Variants in FGGY observed in about 807,000 individuals in gnomAD.
The protein encoded by FGGY is FGGY carbohydrate kinase domain-containing protein.
FGGY carries 72 observed loss-of-function variants against 71.3 expected under a neutral mutation model. That is an observed-to-expected ratio of 1.01 (90% CI 0.84 to 1.23). The LOEUF is 1.23. Ranked by LOEUF, FGGY falls within the 50% of genes most tolerant of loss-of-function variation. FGGY has a pLI of 0.00. For synonymous variants in FGGY, 251 were observed against 250.3 expected, an observed-to-expected ratio of 1.00 and a Z score of -0.02; for missense variants, 668 against 682.3, an observed-to-expected ratio of 0.98 and a Z score of 0.23.
chr1:59,563,282 G>T (rs1032180997), intron 8 of FGGY, among the ~76,000 whole-genome samples: 3 of 152,174 alleles, frequency 2.0e-5, no homozygotes, highest in Non-Finnish European at 2.9e-5. Context: ...TCAATACCTA[G>T]TTTATGGATT....
intron 14 of FGGY, among the ~76,000 whole-genome samples, chr1:59,703,105 C>T (rs1023908536): frequency 2.0e-5 from 3 of 152,188 alleles, no homozygotes; most frequent in African/African-American, 7.2e-5. Context: ...TAATGAGATA[C>T]ATGTAAAGCA....
At chr1:59,501,706 G>A (rs549583723) in intron 6 of FGGY, among the ~76,000 whole-genome samples, 2 of 152,306 alleles carry the variant, frequency 1.3e-5, no homozygotes, top group African/African-American at 4.8e-5. Context: ...ATTTCCCTCT[G>A]AAGGCATGCC....
Position 59,374,617 on chromosome 1 carries a change from C to T in FGGY, c.466-4132C>T, listed in dbSNP as rs866787535. ...GACACATGCACACGTATGTTTATTGCGGCACTGTTCACAATAGGAAAGACT... is the reference window on the plus strand; with the variant it reads ...GACACATGCACACGTATGTTTATTGTGGCACTGTTCACAATAGGAAAGACT... On this transcript the variant is annotated intron_variant, in intron 4 of 15. Transcript: ENST00000303721. Among the ~76,000 whole-genome samples the T allele has an allele frequency of 2.6e-3, 402 of 151,992 alleles. 1 individual carries two copies. The highest frequency in any genetic ancestry group is 7.6e-3 in the African/African-American group (314 of 41,450).
At chr1:59,666,392 TTTAGTCC>T (rs1425025279) in intron 12 of FGGY, among the ~76,000 whole-genome samples, 3 of 152,228 alleles carry the variant, frequency 2.0e-5, no homozygotes, top group Non-Finnish European at 4.4e-5. Context: ...TCTTTTTGTT[TTTAGTCC>T]TTATCCCAAA....
intron 4 of FGGY, among the ~76,000 whole-genome samples, chr1:59,374,923 G>A (rs1378936161): frequency 8.3e-6 from 1 of 119,926 alleles, no homozygotes; most frequent in African/African-American, 3.1e-5. Context: ...TGGGGGGAGG[G>A]GGGAGGGGGG....
intron 9 of FGGY, among the ~76,000 whole-genome samples, chr1:59,618,396 A>G (rs1296115105): frequency 6.6e-6 from 1 of 152,140 alleles, no homozygotes; most frequent in East Asian, 1.9e-4. Context: ...AAAATCTTAC[A>G]GTTATAAGTA....
At chr1:59,518,274 A>G (rs917878893) in intron 7 of FGGY, among the ~76,000 whole-genome samples, 7 of 152,392 alleles carry the variant, frequency 4.6e-5, no homozygotes, top group Admixed American at 3.3e-4. Context: ...AAACATGCCA[A>G]TAACATTTCT....
At chr1:59,645,366 C>T (rs1415665984) in intron 11 of FGGY, among the ~76,000 whole-genome samples, 1 of 152,154 alleles carries the variant, frequency 6.6e-6, no homozygotes, top group African/African-American at 2.4e-5. Context: ...CAGTAGGATC[C>T]TGTGTGGCTT....
At chr1:59,514,846 T>A (rs1271606911) in intron 7 of FGGY, among the ~76,000 whole-genome samples, 2 of 152,192 alleles carry the variant, frequency 1.3e-5, no homozygotes, top group East Asian at 3.8e-4. Context: ...TTAAACCTCC[T>A]TTTCTTCCTT....
At chr1:59,486,184 G>C (rs1057077042) in intron 6 of FGGY, among the ~76,000 whole-genome samples, 2 of 152,146 alleles carry the variant, frequency 1.3e-5, no homozygotes, top group Non-Finnish European at 2.9e-5. Flanking sequence ...CGCACCCAGA[G>C]GGAGACCATG....
intron 14 of FGGY, among the ~76,000 whole-genome samples, chr1:59,696,657 AC>A (rs1243808879): frequency 1.3e-5 from 2 of 152,070 alleles, no homozygotes; most frequent in African/African-American, 4.8e-5. Flanking sequence ...CCTACCTCAC[AC>A]TGTGTCCTTC....
chr1:59,437,338 C>T (rs1443422316), intron 5 of FGGY, among the ~76,000 whole-genome samples: 4 of 152,196 alleles, frequency 2.6e-5, no homozygotes, highest in Admixed American at 2.6e-4. Flanking sequence ...TGCCCTATAA[C>T]GACAGTAACA....
At chr1:59,353,694 G>T (rs185143797) in intron 4 of FGGY, among the ~76,000 whole-genome samples, 5 of 152,188 alleles carry the variant, frequency 3.3e-5, no homozygotes, top group African/African-American at 4.8e-5. Context: ...GCAGTCTGTG[G>T]GACAGATATT....
At chr1:59,429,184 G>A (rs1486889138) in intron 5 of FGGY, among the ~76,000 whole-genome samples, 1 of 151,926 alleles carries the variant, frequency 6.6e-6, no homozygotes, top group African/African-American at 2.4e-5. Flanking sequence ...ATAGATGACT[G>A]GGAGTTGACG....
chr1:59,438,734 A>T (rs2069066424), intron 5 of FGGY, among the ~76,000 whole-genome samples: 1 of 152,216 alleles, frequency 6.6e-6, no homozygotes, highest in Admixed American at 6.5e-5. Flanking sequence ...ATTTGGTATG[A>T]TGTATTTCAA....
chr1:59,509,084 C>T (rs2094459930), intron 6 of FGGY, among the ~76,000 whole-genome samples: 1 of 152,182 alleles, frequency 6.6e-6, no homozygotes. Context: ...CTTGGGAAGG[C>T]AGCTCTCTGC....
intron 7 of FGGY, among the ~76,000 whole-genome samples, chr1:59,524,332 G>T (rs1450327747): frequency 1.3e-5 from 2 of 151,954 alleles, no homozygotes; most frequent in African/African-American, 4.8e-5. Flanking sequence ...CAGACTGGGT[G>T]GCGGGTTGAT....
intron 5 of FGGY, among the ~76,000 whole-genome samples, chr1:59,414,606 C>T (rs1571859784): frequency 6.6e-6 from 1 of 152,032 alleles, no homozygotes; most frequent in South Asian, 2.1e-4. Context: ...TGGGGTAATC[C>T]GAGAAGAGTG....
intron 6 of FGGY, among the ~76,000 whole-genome samples, chr1:59,499,915 A>ATG (rs775113406): frequency 2.9e-4 from 44 of 152,092 alleles, no homozygotes; most frequent in African/African-American, 3.9e-4. Flanking sequence ...ATGTATATAT[A>ATG]TGTATGTGTG....
Sources: allele counts gnomAD v4.1 joint callset (sites outside exome capture counted in the v4.1 genomes callset), GRCh38; gene constraint gnomAD v4.1.1; transcripts MANE v1.5; gene names NCBI Gene and HGNC (gene_info 2026-07-23, HGNC 2026-07-21).